TCF12: variants seen among roughly 807,000 people sequenced by gnomAD.
TCF12 encodes the protein transcription factor 12, also known as DNA-binding protein HTF4.
A neutral mutation model predicts 86.0 loss-of-function variants in TCF12; 45 were observed. That is an observed-to-expected ratio of 0.52 (90% CI 0.41 to 0.67). The LOEUF (loss-of-function observed/expected upper bound fraction) is 0.67. Ranked by LOEUF, TCF12 falls within the 30% of genes least tolerant of loss-of-function variation. The pLI is 0.00. For missense variants in TCF12, 881 were observed against 859.9 expected (o/e 1.02, Z -0.31); for synonymous variants, 330 against 299.6 (o/e 1.10, Z -1.05).
intron 3 of TCF12, among the ~76,000 whole-genome samples, chr15:56,956,577 GTA>G (rs1367892674): frequency 6.6e-6 from 1 of 151,912 alleles, no homozygotes; most frequent in Non-Finnish European, 1.5e-5. Flanking sequence ...TGATCTGCTG[GTA>G]ATGAATTCCT....
rs566407845 is a variant in TCF12 at position 57,265,977 on chromosome 15, A to G, written c.1745+2703A>G. Among the ~76,000 whole-genome samples, 8 of 152,342 alleles carry G rather than the reference A, an allele frequency of 5.3e-5. No individual in the cohort carries two copies. The East Asian group carries it at 1.5e-3, about 29-fold the overall frequency. ...ATTGACTGAAATGTTATGGGCTCATAACTGTATATTAATATAAGGGCTAAA... is the reference window on the plus strand; with the variant it reads ...ATTGACTGAAATGTTATGGGCTCATGACTGTATATTAATATAAGGGCTAAA... On this transcript the variant is annotated intron_variant, in intron 18 of 20. Transcript: ENST00000333725.
chr15:57,092,345 T>C (rs1348396811), intron 5 of TCF12, among the ~76,000 whole-genome samples: 1 of 152,218 alleles, frequency 6.6e-6, no homozygotes, highest in African/African-American at 2.4e-5. Context: ...TATATTTAGA[T>C]ATTGCAGCAT....
At chr15:57,057,607 A>G (rs1465034351) in intron 3 of TCF12, among the ~76,000 whole-genome samples, 1 of 151,666 alleles carries the variant, frequency 6.6e-6, no homozygotes, top group Non-Finnish European at 1.5e-5. Context: ...TAGAAGAGAA[A>G]GAACAGTAGG....
intron 5 of TCF12, among the ~76,000 whole-genome samples, chr15:57,120,003 A>C (rs1414700288): frequency 6.6e-6 from 1 of 152,190 alleles, no homozygotes; most frequent in African/African-American, 2.4e-5. Context: ...TTATAATTAC[A>C]CATTTAGTTT....
rs117994310 is a variant in TCF12 at position 57,281,427 on chromosome 15, T to C, written c.1979-1018T>C. On this transcript the variant is annotated intron_variant, in intron 19 of 20. Coordinates refer to ENST00000333725, the MANE Select transcript of TCF12 (RefSeq NM_207037.2). ...CACCTATCTATCCTTCTCCCTCGAA[T>C]TGGCACATTTCCTATAGAAGAGGGG... 5.3e-3 allele frequency among the ~76,000 whole-genome samples: 812 copies of C among 152,312 alleles called. 2 individuals are homozygous for C. Among genetic ancestry groups the C allele is most frequent in the Admixed American group, 8.4e-3 (129 of 15,290 alleles).
intron 6 of TCF12, among the ~76,000 whole-genome samples, chr15:57,172,824 G>A (rs550511370): frequency 2.1e-3 from 317 of 152,200 alleles, no homozygotes; most frequent in Non-Finnish European, 3.9e-3. Flanking sequence ...AGTAAGACTA[G>A]GTGTGGTGAC....
intron 3 of TCF12, among the ~76,000 whole-genome samples, chr15:56,928,960 C>T (rs181842622): frequency 6.6e-6 from 1 of 152,158 alleles, no homozygotes; most frequent in Non-Finnish European, 1.5e-5. Context: ...CATAAACTCC[C>T]TTGGTAGCCT....
intron 5 of TCF12, among the ~76,000 whole-genome samples, chr15:57,125,695 G>A (rs1479932912): frequency 1.3e-5 from 2 of 152,172 alleles, no homozygotes; most frequent in Non-Finnish European, 2.9e-5. Flanking sequence ...TGTGTTTTCA[G>A]TAAATACAGA....
intron 3 of TCF12, among the ~76,000 whole-genome samples, chr15:56,960,645 G>C (rs1207697852): frequency 6.6e-6 from 1 of 151,564 alleles, no homozygotes; most frequent in African/African-American, 2.4e-5. Flanking sequence ...GGCCAGGCTG[G>C]TCTCAAACTC....
chr15:57,144,352 G>A (rs1385075992), intron 5 of TCF12, among the ~76,000 whole-genome samples: 1 of 152,192 alleles, frequency 6.6e-6, no homozygotes, highest in Admixed American at 6.5e-5. Context: ...ATGATGCGTA[G>A]TACAAATAAG....
At chr15:57,098,450 T>A (rs569735951) in intron 5 of TCF12, among the ~76,000 whole-genome samples, 2 of 152,152 alleles carry the variant, frequency 1.3e-5, no homozygotes, top group Admixed American at 6.5e-5. Context: ...CATTCCTCCA[T>A]TTTTTTCTGC....
chr15:57,143,553 C>G (rs75315999), intron 5 of TCF12, among the ~76,000 whole-genome samples: 1,772 of 152,086 alleles, frequency 0.012, 32 homozygotes, highest in African/African-American at 0.04. Context: ...ATTTTGTGTT[C>G]CATGTATAGA....
intron 5 of TCF12, among the ~76,000 whole-genome samples, chr15:57,113,778 T>TAA (rs34582402): frequency 0.011 from 1,060 of 95,668 alleles, 10 homozygotes; most frequent in Non-Finnish European, 0.014. Context: ...CGTCTCTACT[T>TAA]AAAAAAAAAA....
rs1347309865 is a variant in TCF12, at chr15:57,120,506, AC to A, written c.325+28616del. Among the ~76,000 whole-genome samples the A allele has an allele frequency of 8.5e-5, 13 of 152,312 alleles. No homozygotes were observed. The East Asian group carries it at 2.5e-3, about 29-fold the overall frequency. On this transcript the variant is annotated intron_variant, in intron 5 of 20. Transcript: ENST00000333725. ...TGCCATTGATGAGCTCTCAGGACTT[AC>A]AGTTCTGTGTATGTTTTGGCTTTTG...
At chr15:57,169,942 A>G (rs1019490622) in intron 6 of TCF12, among the ~76,000 whole-genome samples, 4 of 152,248 alleles carry the variant, frequency 2.6e-5, no homozygotes, top group African/African-American at 7.2e-5. Flanking sequence ...TTTAATTCTC[A>G]TATCAAAAGA....
chr15:57,044,370 T>C (rs904908823), intron 3 of TCF12, among the ~76,000 whole-genome samples: 3 of 152,122 alleles, frequency 2.0e-5, no homozygotes, highest in African/African-American at 7.2e-5. Flanking sequence ...GAGATAAGAC[T>C]GGCCAACATG....
chr15:57,118,183 G>A (rs2050972919), intron 5 of TCF12, among the ~76,000 whole-genome samples: 1 of 152,162 alleles, frequency 6.6e-6, no homozygotes, highest in East Asian at 1.9e-4. Flanking sequence ...TCTAAGCACA[G>A]ACACAGCTTG....
intron 7 of TCF12, among the ~76,000 whole-genome samples, chr15:57,197,149 C>CTTTTTTTTTTTTTTTTTTTTT (rs2057304439): frequency 1.5e-5 from 1 of 68,010 alleles, no homozygotes; most frequent in African/African-American, 4.9e-5. Flanking sequence ...CACAGAACAG[C>CTTTTTTTTTTTTTTTTTTTTT]TTCTTTTTTT....
chr15:57,229,458 C>T (rs1448300349), intron 8 of TCF12, among the ~76,000 whole-genome samples: 1 of 151,130 alleles, frequency 6.6e-6, no homozygotes, highest in Non-Finnish European at 1.5e-5. Flanking sequence ...TGTGTTTTTA[C>T]CTCTGGGATG....
Sources: gnomAD v4.1 joint callset for allele counts (sites outside exome capture counted in the v4.1 genomes callset) on GRCh38, gnomAD v4.1.1 for gene constraint, MANE v1.5 for transcripts, NCBI Gene and HGNC (gene_info 2026-07-23, HGNC 2026-07-21) for gene names.